The following SHOC1 variants were observed in gnomAD, a reference collection of about 807,000 sequenced individuals.
The protein encoded by SHOC1 is protein shortage in chiasmata 1 ortholog.
SHOC1 carries 136 observed loss-of-function variants against 179.2 expected under a neutral mutation model. The observed-to-expected ratio is 0.76, with a 90% CI of 0.66 to 0.87. The LOEUF (loss-of-function observed/expected upper bound fraction) is 0.87. SHOC1 is among the 40% of genes least tolerant of loss of function. The pLI is 0.00. For synonymous variants in SHOC1, 489 were observed against 586.6 expected (o/e 0.83, Z 2.41); for missense variants, 1,538 against 1,700.8 (o/e 0.90, Z 1.68).
intron 8 of SHOC1, among the ~76,000 whole-genome samples, chr9:111,751,881 G>A (rs1220995536): frequency 1.3e-5 from 2 of 152,106 alleles, no homozygotes; most frequent in Non-Finnish European, 2.9e-5. Context: ...TAGAATCCTA[G>A]GAGATAAAAA....
At chr9:111,698,321 T>C (rs1286950955) in intron 24 of SHOC1, among the ~76,000 whole-genome samples, 1 of 152,218 alleles carries the variant, frequency 6.6e-6, no homozygotes, top group African/African-American at 2.4e-5. Context: ...TTTTTATGGT[T>C]TTAGGTCTAA....
At chr9:111,760,878 T>G (rs543050678) in intron 5 of SHOC1, among the ~76,000 whole-genome samples, 1 of 151,756 alleles carries the variant, frequency 6.6e-6, no homozygotes, top group East Asian at 1.9e-4. Context: ...TTTTAGAACT[T>G]GGAAAAGTGA....
rs768425091 is a variant in SHOC1, at chr9:111,722,391, AC to A, written c.2131+17del. 10 of 1,565,410 alleles carry A rather than the reference AC, an allele frequency of 6.4e-6. No individual in the cohort carries two copies. Among genetic ancestry groups the A allele is most frequent in the African/African-American group, 1.4e-5 (1 of 72,080 alleles). On this transcript the variant is annotated intron_variant, in intron 15 of 27. Transcript: ENST00000682961. ...TAAGCATATCTTTTTAAATAACGTGACTTTTATTTGTACTCACCTTGGCGAA... is the reference window on the plus strand; with the variant it reads ...TAAGCATATCTTTTTAAATAACGTGATTTTATTTGTACTCACCTTGGCGAA...
At chr9:111,753,997 A>T (rs905204421) in intron 8 of SHOC1, among the ~76,000 whole-genome samples, 56 of 152,198 alleles carry the variant, frequency 3.7e-4, no homozygotes, top group African/African-American at 1.3e-3. Flanking sequence ...GTTAATAATA[A>T]TGCATTGTAC....
At chr9:111,763,231 T>C (rs1426911426) in intron 5 of SHOC1, among the ~76,000 whole-genome samples, 1 of 151,960 alleles carries the variant, frequency 6.6e-6, no homozygotes, top group Non-Finnish European at 1.5e-5. Context: ...AATAGGAGAT[T>C]CAGGAGAGAG....
At chr9:111,733,039 C>CT (rs35888214) in intron 12 of SHOC1, among the ~76,000 whole-genome samples, 4 of 151,916 alleles carry the variant, frequency 2.6e-5, no homozygotes, top group African/African-American at 9.7e-5. Flanking sequence ...ATAAGCATCT[C>CT]TTTTTTTTGG....
rs190196162 is a variant in SHOC1, at chr9:111,792,224, G to C, written c.-36-770C>G. 3.9e-5 allele frequency among the ~76,000 whole-genome samples: 6 copies of C among 152,136 alleles called. No individual in the cohort carries two copies. In the East Asian group the frequency reaches 1.2e-3, roughly 29 times the overall value. On this transcript the variant is annotated intron_variant, in intron 1 of 27. Coordinates refer to ENST00000682961, the MANE Select transcript of SHOC1 (RefSeq NM_001378211.1). ...TGAGAACTCAAGGAATTACAGTTTT[G>C]AAGTTACTCTAGGACAGAGTAACTT...
intron 21 of SHOC1, among the ~76,000 whole-genome samples, chr9:111,704,477 G>C (rs1170834518): frequency 6.6e-6 from 1 of 152,038 alleles, no homozygotes; most frequent in African/African-American, 2.4e-5. Flanking sequence ...TGAATTCCTG[G>C]GCTCAATCGA....
intron 18 of SHOC1, among the ~76,000 whole-genome samples, chr9:111,710,365 T>C (rs1832485381): frequency 6.6e-6 from 1 of 152,142 alleles, no homozygotes; most frequent in Non-Finnish European, 1.5e-5. Context: ...CACATTACCA[T>C]AATTTAAAAT....
At chr9:111,763,155 A>G (rs532658073) in intron 5 of SHOC1, among the ~76,000 whole-genome samples, 4 of 152,052 alleles carry the variant, frequency 2.6e-5, no homozygotes, top group African/African-American at 9.6e-5. Context: ...TAAATGATAT[A>G]TAAAATCTTT....
At chr9:111,756,839 G>A (rs1475893220) in intron 7 of SHOC1, among the ~76,000 whole-genome samples, 1 of 152,092 alleles carries the variant, frequency 6.6e-6, no homozygotes, top group Admixed American at 6.5e-5. Flanking sequence ...AGTGAAATGA[G>A]ATCATGGAAT....
chr9:111,714,619 ATATCCT>A lies in SHOC1; in HGVS notation c.2237-2_2240del. The A allele has an allele frequency of 6.2e-7, 1 of 1,607,364 alleles. No homozygotes were observed. Among genetic ancestry groups the A allele is most frequent in the Non-Finnish European group, 8.5e-7 (1 of 1,178,488 alleles). On this transcript the variant is annotated splice_acceptor_variant and coding_sequence_variant, in exon 17 of 28. Coordinates refer to ENST00000682961, the MANE Select transcript of SHOC1 (RefSeq NM_001378211.1). LOFTEE classifies it high-confidence loss of function. ...TGTAGATATCTTTTGCCTTCGACAAATATCCTATTGAAGCAAAATTAGAAAAAAATT... is the reference window on the plus strand; with the variant it reads ...TGTAGATATCTTTTGCCTTCGACAAAATTGAAGCAAAATTAGAAAAAAATT...
intron 18 of SHOC1, among the ~76,000 whole-genome samples, chr9:111,708,539 C>T (rs1235799748): frequency 2.0e-5 from 3 of 152,134 alleles, no homozygotes; most frequent in Non-Finnish European, 4.4e-5. Context: ...AAACACTCAC[C>T]AATCCTGTGC....
intron 14 of SHOC1, 41 bp downstream of exon 14, chr9:111,723,751 C>T: frequency 1.3e-6 from 2 of 1,593,066 alleles, no homozygotes; most frequent in Non-Finnish European, 8.5e-7. Flanking sequence ...GACTTTCAAA[C>T]TAAGCAAATC....
rs554766776 is a variant in SHOC1, at chr9:111,786,672, T to C, written c.46-637A>G. Among the ~76,000 whole-genome samples the C allele has an allele frequency of 7.9e-5, 12 of 152,338 alleles. No individual in the cohort carries two copies. The South Asian group carries it at 2.3e-3, about 29-fold the overall frequency. On this transcript the variant is annotated intron_variant, in intron 2 of 27. Transcript: ENST00000682961. ...TCCGTTATTATTCTATATGTTATGATAATCTGTGATCAGTGGTCTTTGATG... is the reference window on the plus strand; with the variant it reads ...TCCGTTATTATTCTATATGTTATGACAATCTGTGATCAGTGGTCTTTGATG...
chr9:111,736,437 C>T (rs1833815041), intron 12 of SHOC1, among the ~76,000 whole-genome samples: 1 of 152,088 alleles, frequency 6.6e-6, no homozygotes, highest in African/African-American at 2.4e-5. Flanking sequence ...AGATCTTCAA[C>T]AAAGCCAACA....
At chr9:111,744,570 T>C (rs1030077047) in intron 10 of SHOC1, among the ~76,000 whole-genome samples, 2 of 152,136 alleles carry the variant, frequency 1.3e-5, no homozygotes, top group Non-Finnish European at 2.9e-5. Flanking sequence ...AATAGCACTC[T>C]CCTCTGGCAG....
In SHOC1 at chr9:111,713,044, A is replaced by G. The variant is rs1832624037; in HGVS notation, c.2488+56T>C. On this transcript the variant is annotated intron_variant, in intron 18 of 27. Transcript: ENST00000682961. ...TTTTAAAAGCTGGTTAGATCAATACACTTTTATAAGTTCAAGCATTTGTTA... is the reference window on the plus strand; with the variant it reads ...TTTTAAAAGCTGGTTAGATCAATACGCTTTTATAAGTTCAAGCATTTGTTA... 5.3e-5 allele frequency: 58 copies of G among 1,087,568 alleles called. No individual in the cohort carries two copies. The East Asian group carries it at 1.4e-3, about 26-fold the overall frequency. 67.4% of individuals were successfully genotyped at this position (1,087,568 alleles called of 1,614,324 possible). A position where few individuals can be genotyped will look rare whatever the true frequency, so the allele number is the denominator to read the frequency against.
intron 17 of SHOC1, among the ~76,000 whole-genome samples, chr9:111,713,460 A>T (rs900277077): frequency 4.6e-5 from 7 of 152,194 alleles, no homozygotes; most frequent in African/African-American, 1.7e-4. Context: ...GTTAGTGTTA[A>T]ATTCAACTCA....
Sources: gnomAD v4.1 joint callset for allele counts (sites outside exome capture counted in the v4.1 genomes callset) on GRCh38, gnomAD v4.1.1 for gene constraint, MANE v1.5 for transcripts, NCBI Gene and HGNC (gene_info 2026-07-23, HGNC 2026-07-21) for gene names.